The following UNC13A variants were observed in gnomAD, a reference collection of about 807,000 sequenced individuals.
UNC13A encodes the protein protein unc-13 homolog A.
In UNC13A, 61 loss-of-function variants were observed where a neutral mutation model predicts 219.7. The observed-to-expected ratio is 0.28, with a 90% CI of 0.23 to 0.34. UNC13A has a LOEUF of 0.34. Among genes scored for constraint, UNC13A ranks in the 10% least tolerant of loss-of-function variants. The pLI is 1.00. For synonymous variants in UNC13A, 920 were observed against 884.6 expected (o/e 1.04, Z -0.71); for missense variants, 1,476 against 2,270.3 (o/e 0.65, Z 7.11).
chr19:17,634,030 C>T (rs550351107), intron 26 of UNC13A, among the ~76,000 whole-genome samples: 8 of 152,196 alleles, frequency 5.3e-5, no homozygotes, highest in Non-Finnish European at 1.0e-4. Flanking sequence ...ACTATTCATC[C>T]ATCCACTCAA....
At chr19:17,644,588 A>G (rs948941506) in intron 19 of UNC13A, among the ~76,000 whole-genome samples, 2 of 131,982 alleles carry the variant, frequency 1.5e-5, no homozygotes, top group African/African-American at 2.9e-5. Flanking sequence ...CAGGGGCTTG[A>G]TCTCGCCATG....
Position 17,656,268 on chromosome 19 carries a change from A to C in UNC13A, c.898T>G (p.Ser300Ala). The part of the protein sequence containing the change: ...SDMEDERDRD[S>A]YHSCHSSVSY... Reference sequence around the variant, plus strand: ...ACCGAGCTGTGGCAGGAGTGGTAGGAGTCCCGGTCCCGCTCATCCTCCATG... The same window carrying C: ...ACCGAGCTGTGGCAGGAGTGGTAGGCGTCCCGGTCCCGCTCATCCTCCATG... Residue 300 changes from serine (S) to alanine (A), a missense_variant, in exon 10 of 44, where the codon TCC (serine) becomes GCC (alanine). Physicochemically the swap from Ser to Ala is moderately conservative, Grantham distance 99. Coordinates refer to ENST00000519716, the MANE Select transcript of UNC13A (RefSeq NM_001080421.3). The C allele has an allele frequency of 6.4e-7, 1 of 1,551,770 alleles. No homozygotes were observed. The highest frequency in any genetic ancestry group is 1.4e-5 in the African/African-American group (1 of 73,130).
chr19:17,612,817 C>T (rs1257866691), intron 41 of UNC13A, among the ~76,000 whole-genome samples: 2 of 152,044 alleles, frequency 1.3e-5, no homozygotes, highest in African/African-American at 4.8e-5. Flanking sequence ...TGCACTTCAA[C>T]CTGGGTGACA....
intron 11 of UNC13A, among the ~76,000 whole-genome samples, chr19:17,654,251 C>T (rs914980320): frequency 3.9e-5 from 6 of 152,030 alleles, no homozygotes; most frequent in Non-Finnish European, 1.5e-5. Flanking sequence ...ATTACTAGTT[C>T]CATAGTTTGT....
intron 35 of UNC13A, among the ~76,000 whole-genome samples, chr19:17,624,370 C>G (rs982689331): frequency 6.6e-6 from 1 of 152,030 alleles, no homozygotes; most frequent in African/African-American, 2.4e-5. Flanking sequence ...CTGCCCGCCT[C>G]GAGCCTCCCA....
chr19:17,637,229 C>T (rs2076921356), intron 25 of UNC13A, among the ~76,000 whole-genome samples: 1 of 152,030 alleles, frequency 6.6e-6, no homozygotes, highest in African/African-American at 2.4e-5. Context: ...CCTGCCTCAG[C>T]CTCCTAAAGT....
At chr19:17,652,154 C>G (rs1466252816) in intron 12 of UNC13A, among the ~76,000 whole-genome samples, 1 of 152,036 alleles carries the variant, frequency 6.6e-6, no homozygotes, top group Non-Finnish European at 1.5e-5. Flanking sequence ...ATTTTTGAGA[C>G]AGTGTCCCGC....
At position 17,630,175 on chromosome 19, in the gene UNC13A, G is replaced by T. The variant is rs909419668; in HGVS notation, c.3639C>A (p.Ile1213=). ...CAAAGCGCCTCATGTAGTGCCCCACGATCTGAGGGTCGGGACACTCGAGTT... is the reference window on the plus strand; with the variant it reads ...CAAAGCGCCTCATGTAGTGCCCCACTATCTGAGGGTCGGGACACTCGAGTT... ...IKKLECPDPQ[I]VGHYMRRFAK... The change falls in exon 30 of 44, where the codon ATC becomes ATA. Residue 1213 remains isoleucine, a synonymous_variant. Transcript: ENST00000519716. 1.2e-5 allele frequency: 19 copies of T among 1,552,010 alleles called. No homozygotes were observed. In the African/African-American group the frequency reaches 2.5e-4, roughly 20 times the overall value.
chr19:17,659,656 C>G (rs958896590), intron 8 of UNC13A, among the ~76,000 whole-genome samples: 1 of 151,932 alleles, frequency 6.6e-6, no homozygotes, highest in Admixed American at 6.6e-5. Context: ...GTAGTCCCAG[C>G]TATTCGGGAG....
At chr19:17,648,754 C>T (rs769315433) in intron 15 of UNC13A, 104 bp from the exon 16 acceptor site, 49 of 1,515,122 alleles carry the variant, frequency 3.2e-5, no homozygotes, top group Non-Finnish European at 3.9e-5. Context: ...CCCAGGCCCT[C>T]CCCTGCCTCC....
intron 4 of UNC13A, among the ~76,000 whole-genome samples, chr19:17,669,885 CCCTT>C (rs1400962268): frequency 4.7e-5 from 7 of 148,782 alleles, no homozygotes; most frequent in Non-Finnish European, 1.0e-4. Context: ...TTCCCTTCCT[CCCTT>C]CCTTCCTTTA....
chr19:17,673,933 C>T (rs1380673490), intron 3 of UNC13A, among the ~76,000 whole-genome samples: 1 of 152,098 alleles, frequency 6.6e-6, no homozygotes, highest in African/African-American at 2.4e-5. Flanking sequence ...ATCACTTGAA[C>T]CTGGGAGGTG....
rs368571508 is a variant in UNC13A at position 17,636,059 on chromosome 19, C to T, written c.3180G>A (p.Glu1060=). 3.2e-4 allele frequency: 512 copies of T among 1,612,324 alleles called. No homozygotes were observed. Among genetic ancestry groups the T allele is most frequent in the Non-Finnish European group, 3.9e-4 (461 of 1,179,030 alleles). The change falls in exon 26 of 44, where the codon GAG becomes GAA. Residue 1060 remains glutamate, a synonymous_variant. Coordinates refer to ENST00000519716, the MANE Select transcript of UNC13A (RefSeq NM_001080421.3). The stretch of plus-strand genomic sequence containing the variant: ...AGGGAGTGTAGGAATTCTTGTCTTC[C>T]TCAATGATGGACACTATGAGGGTAA... ...KLITLIVSII[E]EDKNSYTPCL...
chr19:17,639,905 C>T lies in UNC13A; in HGVS notation c.2791G>A (p.Glu931Lys). 1 of 1,613,760 alleles carries T rather than the reference C, an allele frequency of 6.2e-7. No individual in the cohort carries two copies. Among genetic ancestry groups the T allele is most frequent in the Non-Finnish European group, 8.5e-7 (1 of 1,179,824 alleles). Residue 931 changes from glutamate (E) to lysine (K), a missense_variant, in exon 23 of 44, where the codon GAG (glutamate) becomes AAG (lysine). By Grantham distance (56) the Glu-to-Lys change is moderately conservative (BLOSUM62 1). This residue lies in a region of UNC13A where 140 missense variants were observed against 270.9 expected (regional missense o/e 0.52). Coordinates refer to ENST00000519716, the MANE Select transcript of UNC13A (RefSeq NM_001080421.3). ...TGGTCCAGGAGTTTCACGAAGCGCT[C>T]TTTCTGAGGAGGAAGGGGAGGAGGG... ...DRFAASNFGK[E>K]RFVKLLDQLH...
chr19:17,644,081 C>T (rs1373718737), intron 19 of UNC13A, among the ~76,000 whole-genome samples: 2 of 152,162 alleles, frequency 1.3e-5, no homozygotes, highest in Non-Finnish European at 2.9e-5. Context: ...AGATTGGACT[C>T]CCCAGATTCT....
chr19:17,661,104 C>CTTTTTTTTTTTTTTTT (rs11287808), intron 8 of UNC13A, among the ~76,000 whole-genome samples: 1 of 135,388 alleles, frequency 7.4e-6, no homozygotes, highest in Non-Finnish European at 1.6e-5. Flanking sequence ...ACACCCGGCC[C>CTTTTTTTTTTTTTTTT]TTTTTTTTTT....
intron 7 of UNC13A, among the ~76,000 whole-genome samples, chr19:17,666,198 T>TCCC (rs67292141): frequency 1.4e-5 from 2 of 144,762 alleles, no homozygotes; most frequent in Non-Finnish European, 3.0e-5. Flanking sequence ...TCTTTCTCTC[T>TCCC]TTCTTTCTCT....
Position 17,602,461 on chromosome 19 carries a change from CT to C in UNC13A, c.*3592del, listed in dbSNP as rs1389304680. 6.6e-6 allele frequency: 1 copy of C among 152,286 alleles called. No homozygotes were observed. Among genetic ancestry groups the C allele is most frequent in the Non-Finnish European group, 1.5e-5 (1 of 68,106 alleles). The allele number at this position is 152,286 out of a possible 1,614,324, so 9.4% of individuals were successfully genotyped here. A position where few individuals can be genotyped will look rare whatever the true frequency, so the allele number is the denominator to read the frequency against. On this transcript the variant is annotated 3_prime_UTR_variant, in exon 44 of 44. Coordinates refer to ENST00000519716, the MANE Select transcript of UNC13A (RefSeq NM_001080421.3). Reference sequence around the variant, plus strand: ...CCTTGCCCTGCCACAGGCCAACCTTCTTGTGCTGTTTCCCCGATTCATGGAA... The same window carrying C: ...CCTTGCCCTGCCACAGGCCAACCTTCTGTGCTGTTTCCCCGATTCATGGAA...
Position 17,606,007 on chromosome 19 carries a change from C to G in UNC13A, c.*47G>C. 1 of 1,392,816 alleles carries G rather than the reference C, an allele frequency of 7.2e-7. No homozygotes were observed. Among genetic ancestry groups the G allele is most frequent in the Non-Finnish European group, 9.3e-7 (1 of 1,077,568 alleles). The allele number at this position is 1,392,816 out of a possible 1,614,324, so 86.3% of individuals were successfully genotyped here. On this transcript the variant is annotated 3_prime_UTR_variant, in exon 44 of 44. Transcript: ENST00000519716. ...AGGCGCAAGCCCCGTCCCTCCCCGC[C>G]CAGCGCCCTCCGCGCAGGCGCAGTG...
Sources: allele counts gnomAD v4.1 joint callset (sites outside exome capture counted in the v4.1 genomes callset), GRCh38; gene constraint gnomAD v4.1.1; regional missense constraint gnomAD v4.1.1; transcripts MANE v1.5; gene names NCBI Gene and HGNC (gene_info 2026-07-23, HGNC 2026-07-21).